The following CNTNAP5 variants were observed in gnomAD, a reference collection of about 807,000 sequenced individuals.
The protein encoded by CNTNAP5 is contactin associated protein family member 5, also known as contactin-associated protein-like 5.
CNTNAP5 carries 72 observed loss-of-function variants against 150.2 expected under a neutral mutation model. The ratio of observed to expected loss-of-function variants is 0.48; its 90% CI spans 0.40 to 0.58. CNTNAP5 has a LOEUF of 0.58. Ranked by LOEUF, CNTNAP5 falls within the 20% of genes least tolerant of loss-of-function variation. The pLI is 0.00. For missense variants in CNTNAP5, 1,636 were observed against 1,626.2 expected (o/e 1.01, Z -0.10); for synonymous variants, 672 against 619.8 (o/e 1.08, Z -1.25).
intron 19 of CNTNAP5, among the ~76,000 whole-genome samples, chr2:124,857,243 T>A (rs1442507836): frequency 6.6e-6 from 1 of 152,148 alleles, no homozygotes; most frequent in East Asian, 1.9e-4. Flanking sequence ...TCCGCATCAT[T>A]TGAATACAGT....
At chr2:124,704,024 A>T (rs148044670) in intron 13 of CNTNAP5, among the ~76,000 whole-genome samples, 1 of 152,222 alleles carries the variant, frequency 6.6e-6, no homozygotes, top group East Asian at 1.9e-4. Context: ...AGCTGTCACC[A>T]TTCGAACAGC....
intron 13 of CNTNAP5, among the ~76,000 whole-genome samples, chr2:124,665,623 A>G (rs1018147970): frequency 1.3e-5 from 2 of 152,150 alleles, no homozygotes; most frequent in Non-Finnish European, 2.9e-5. Context: ...GTGGTGGCTT[A>G]TGCCTGTAAT....
At chr2:124,051,814 G>T (rs1423769896) in intron 1 of CNTNAP5, among the ~76,000 whole-genome samples, 1 of 152,132 alleles carries the variant, frequency 6.6e-6, no homozygotes, top group Admixed American at 6.5e-5. Context: ...ACTCAAAACT[G>T]CTAGGGTGAT....
intron 1 of CNTNAP5, among the ~76,000 whole-genome samples, chr2:124,187,326 T>C (rs957457765): frequency 7.2e-5 from 11 of 152,160 alleles, no homozygotes; most frequent in Non-Finnish European, 1.6e-4. Flanking sequence ...GGTAAACTAT[T>C]TAAGAACTCT....
chr2:124,640,203 A>G (rs535105842), intron 12 of CNTNAP5, among the ~76,000 whole-genome samples: 1 of 152,300 alleles, frequency 6.6e-6, no homozygotes, highest in Admixed American at 6.5e-5. Flanking sequence ...ACCCCCTAAG[A>G]CCATAAAACA....
intron 3 of CNTNAP5, among the ~76,000 whole-genome samples, chr2:124,407,325 T>C (rs1357019163): frequency 1.3e-5 from 2 of 152,250 alleles, no homozygotes; most frequent in Non-Finnish European, 2.9e-5. Flanking sequence ...TTATTTATTT[T>C]GTTCATGGAA....
intron 16 of CNTNAP5, among the ~76,000 whole-genome samples, chr2:124,767,538 C>T (rs186529165): frequency 6.6e-6 from 1 of 152,240 alleles, no homozygotes; most frequent in East Asian, 1.9e-4. Context: ...AGAAGCTAGA[C>T]TAGAACCCAA....
intron 3 of CNTNAP5, among the ~76,000 whole-genome samples, chr2:124,289,808 A>T (rs894392753): frequency 6.6e-6 from 1 of 152,196 alleles, no homozygotes; most frequent in Non-Finnish European, 1.5e-5. Flanking sequence ...CCTCTACAGC[A>T]TTGCCTCTTG....
At chr2:124,715,636 G>A (rs1220424345) in intron 13 of CNTNAP5, among the ~76,000 whole-genome samples, 1 of 152,038 alleles carries the variant, frequency 6.6e-6, no homozygotes, top group Non-Finnish European at 1.5e-5. Flanking sequence ...TAAGAAGGGT[G>A]GTATTTTTCT....
At chr2:124,598,938 C>G (rs572402843) in intron 11 of CNTNAP5, among the ~76,000 whole-genome samples, 9 of 152,056 alleles carry the variant, frequency 5.9e-5, no homozygotes, top group East Asian at 5.8e-4. Context: ...TTCTTTGACT[C>G]GGAAAGGGAA....
intron 2 of CNTNAP5, among the ~76,000 whole-genome samples, chr2:124,225,534 AATG>A (rs1341098739): frequency 4.6e-5 from 7 of 152,296 alleles, no homozygotes; most frequent in South Asian, 2.1e-4. Flanking sequence ...CAGTGTATGA[AATG>A]ATGATTTGAT....
At chr2:124,547,660 G>C (rs1225867232) in intron 10 of CNTNAP5, among the ~76,000 whole-genome samples, 1 of 152,166 alleles carries the variant, frequency 6.6e-6, no homozygotes, top group Non-Finnish European at 1.5e-5. Context: ...TGGCCAGGGT[G>C]GCTGGTCCAG....
intron 1 of CNTNAP5, among the ~76,000 whole-genome samples, chr2:124,130,881 C>A (rs1001162274): frequency 1.3e-5 from 2 of 152,062 alleles, no homozygotes; most frequent in African/African-American, 4.8e-5. Flanking sequence ...ACAGAATATG[C>A]ATTCATTAAA....
intron 1 of CNTNAP5, among the ~76,000 whole-genome samples, chr2:124,149,324 A>G (rs1684343038): frequency 6.6e-6 from 1 of 151,102 alleles, no homozygotes; most frequent in South Asian, 2.1e-4. Context: ...GCATATTATT[A>G]CAAAAAAAGG....
intron 10 of CNTNAP5, among the ~76,000 whole-genome samples, chr2:124,552,918 A>G (rs1393111941): frequency 6.6e-6 from 1 of 152,172 alleles, no homozygotes; most frequent in Non-Finnish European, 1.5e-5. Context: ...GTGTACCATC[A>G]TTTATTTAAC....
intron 8 of CNTNAP5, among the ~76,000 whole-genome samples, chr2:124,507,711 ATGCAGG>A (rs1694446645): frequency 4.6e-5 from 7 of 152,314 alleles, no homozygotes; most frequent in Admixed American, 4.6e-4. Flanking sequence ...TGTTGTAGCA[ATGCAGG>A]TTTTCTCTAC....
chr2:124,339,855 T>C (rs1458554660), intron 3 of CNTNAP5, among the ~76,000 whole-genome samples: 1 of 152,006 alleles, frequency 6.6e-6, no homozygotes, highest in African/African-American at 2.4e-5. Flanking sequence ...TGGAAAGTGG[T>C]TTTCTTCCCC....
At chr2:124,619,231 G>A (rs537967137) in intron 12 of CNTNAP5, among the ~76,000 whole-genome samples, 2 of 152,212 alleles carry the variant, frequency 1.3e-5, no homozygotes, top group South Asian at 4.1e-4. Context: ...GAGACAACCA[G>A]GAGTCCACTG....
chr2:124,457,449 C>T (rs1039845628), intron 6 of CNTNAP5, among the ~76,000 whole-genome samples: 5 of 152,106 alleles, frequency 3.3e-5, no homozygotes, highest in African/African-American at 9.7e-5. Flanking sequence ...CTACAATGAA[C>T]TCAAATTAGC....
Sources: allele counts gnomAD v4.1 joint callset (sites outside exome capture counted in the v4.1 genomes callset), GRCh38; gene constraint gnomAD v4.1.1; transcripts MANE v1.5; gene names NCBI Gene and HGNC (gene_info 2026-07-23, HGNC 2026-07-21).